Variants in SLC10A6 observed in about 807,000 individuals in gnomAD.
SLC10A6 encodes the protein sodium-dependent organic anion transporter.
A neutral mutation model predicts 30.0 loss-of-function variants in SLC10A6; 27 were observed. The ratio of observed to expected loss-of-function variants is 0.90; its 90% CI spans 0.66 to 1.24. The LOEUF is 1.24. SLC10A6 is among the 50% of genes most tolerant of loss of function. The probability of loss-of-function intolerance (pLI) is 0.00; values close to 1 mark genes in which losing one functional copy is unlikely to be tolerated. For synonymous variants in SLC10A6, 166 were observed against 173.8 expected (o/e 0.95, Z 0.36); for missense variants, 439 against 457.0 (o/e 0.96, Z 0.36).
At chr4:86,836,510 C>A (rs1056537014) in intron 1 of SLC10A6, among the ~76,000 whole-genome samples, 1 of 152,062 alleles carries the variant, frequency 6.6e-6, no homozygotes, top group Non-Finnish European at 1.5e-5. Flanking sequence ...CCTTTTTGCC[C>A]TTCTCTCTTC....
Position 86,835,676 on chromosome 4 carries a change from G to A in SLC10A6, c.378-2252C>T, listed in dbSNP as rs552325979. Among the ~76,000 whole-genome samples the A allele has an allele frequency of 8.7e-4, 127 of 145,758 alleles. 1 individual carries two copies. The highest frequency in any genetic ancestry group is 1.5e-3 in the Non-Finnish European group (97 of 65,926). ...AGTGAAACTCCATCTCAAAAAAAAA[G>A]AAAGACAGAAAGACGAAAAGACACA... On this transcript the variant is annotated intron_variant, in intron 1 of 5. Coordinates refer to ENST00000273905, the MANE Select transcript of SLC10A6 (RefSeq NM_197965.3).
chr4:86,825,629 C>G, intron 4 of SLC10A6, 52 bp from the exon 5 acceptor site: 1 of 1,503,890 alleles, frequency 6.6e-7, no homozygotes, highest in Non-Finnish European at 9.0e-7. Context: ...AAGAACTATT[C>G]TAATATTTTC....
At chr4:86,846,178 T>C (rs1440824350) in intron 1 of SLC10A6, among the ~76,000 whole-genome samples, 1 of 152,212 alleles carries the variant, frequency 6.6e-6, no homozygotes, top group Non-Finnish European at 1.5e-5. Flanking sequence ...TTAGATATTG[T>C]TTCACACCGT....
chr4:86,831,018 G>A (rs1490593611), intron 3 of SLC10A6, among the ~76,000 whole-genome samples: 1 of 152,052 alleles, frequency 6.6e-6, no homozygotes, highest in Non-Finnish European at 1.5e-5. Flanking sequence ...TGTGATCCAG[G>A]CTCCAGTGCA....
Position 86,848,882 on chromosome 4 carries a change from G to A in SLC10A6, c.234C>T (p.Leu78=), listed in dbSNP as rs1352305311. 1.2e-6 allele frequency: 2 copies of A among 1,614,236 alleles called. No individual in the cohort carries two copies. The highest frequency in any genetic ancestry group is 1.7e-6 in the Non-Finnish European group (2 of 1,180,046). The change falls in exon 1 of 6, where the codon CTC becomes CTT. Residue 78 remains leucine (L), a synonymous_variant. Coordinates refer to ENST00000273905, the MANE Select transcript of SLC10A6 (RefSeq NM_197965.3). ...IAVGLLCQFG[L]MPFTAYLLAI... ...CCAGGAGATAAGCTGTAAAAGGCAT[G>A]AGCCCAAACTGGCAGAGCAGTCCCA...
intron 1 of SLC10A6, among the ~76,000 whole-genome samples, chr4:86,841,100 C>T (rs549623771): frequency 2.8e-4 from 43 of 152,264 alleles, no homozygotes; most frequent in African/African-American, 9.4e-4. Context: ...AATGGAATTC[C>T]ATATTATATC....
chr4:86,833,697 T>C (rs1746128304), intron 1 of SLC10A6, among the ~76,000 whole-genome samples: 1 of 152,214 alleles, frequency 6.6e-6, no homozygotes, highest in Non-Finnish European at 1.5e-5. Flanking sequence ...ATTATTTTCT[T>C]ATCTAGTTCT....
At chr4:86,826,584 A>AT (rs1746005132) in intron 4 of SLC10A6, among the ~76,000 whole-genome samples, 1 of 152,014 alleles carries the variant, frequency 6.6e-6, no homozygotes. Context: ...AAATAAATAA[A>AT]AACACAAAAA....
At chr4:86,832,977 T>C (rs1368427854) in intron 2 of SLC10A6, among the ~76,000 whole-genome samples, 1 of 152,158 alleles carries the variant, frequency 6.6e-6, no homozygotes, top group African/African-American at 2.4e-5. Flanking sequence ...GATTCCTGCT[T>C]TTTCAAAGTA....
Position 86,823,629 on chromosome 4 carries a change from C to T in SLC10A6, c.*59G>A. 1.4e-6 allele frequency: 2 copies of T among 1,379,566 alleles called. No homozygotes were observed. Among genetic ancestry groups the T allele is most frequent in the Non-Finnish European group, 2.0e-6 (2 of 1,013,092 alleles). The allele number at this position is 1,379,566 out of a possible 1,614,324, so 85.5% of individuals were successfully genotyped here. On this transcript the variant is annotated 3_prime_UTR_variant, in exon 6 of 6. Coordinates refer to ENST00000273905, the MANE Select transcript of SLC10A6 (RefSeq NM_197965.3). ...ACCAACAAGATTCATGTGTCAGCTG[C>T]ACACTGTCTTTACTGGCCACTGAAA...
chr4:86,837,294 G>GAAAGAAAGAAAGAAAGAAAAAGA (rs1560460401), intron 1 of SLC10A6, among the ~76,000 whole-genome samples: 1 of 68,760 alleles, frequency 1.5e-5, no homozygotes, highest in East Asian at 3.7e-4. Flanking sequence ...AAAAAGAAAG[G>GAAAGAAAGAAAGAAAGAAAAAGA]AAGGAAGGAA....
chr4:86,829,063 T>G (rs1190567460), intron 3 of SLC10A6, among the ~76,000 whole-genome samples: 2 of 152,158 alleles, frequency 1.3e-5, no homozygotes, highest in Admixed American at 1.3e-4. Context: ...TCATTTTTAC[T>G]GTTCAAATAC....
Position 86,833,350 on chromosome 4 carries a change from G to C in SLC10A6, c.452C>G (p.Ser151Cys). ...GGTGAGATTCTGCTGAAGACTCCAG[G>C]ACCAGGTGTAGAGATAAATGCAGAG... ...MPLCIYLYTWSWSLQQNLTIP... is the reference protein window; with the variant it reads ...MPLCIYLYTWCWSLQQNLTIP... Residue 151 changes from serine to cysteine, a missense_variant, in exon 2 of 6, where the codon TCC (serine) becomes TGC (cysteine). Physicochemically the swap from Ser to Cys is moderately radical, Grantham distance 112. Coordinates refer to ENST00000273905, the MANE Select transcript of SLC10A6 (RefSeq NM_197965.3). 6.2e-7 allele frequency: 1 copy of C among 1,614,082 alleles called. No individual in the cohort carries two copies. Among genetic ancestry groups the C allele is most frequent in the Non-Finnish European group, 8.5e-7 (1 of 1,179,978 alleles).
chr4:86,847,306 C>T (rs996404746), intron 1 of SLC10A6, among the ~76,000 whole-genome samples: 3 of 152,156 alleles, frequency 2.0e-5, no homozygotes, highest in African/African-American at 7.2e-5. Context: ...GCCTATGGGG[C>T]ACTTAATAAA....
chr4:86,833,531 C>G, intron 1 of SLC10A6, 107 bp from the exon 2 acceptor site: 1 of 755,710 alleles, frequency 1.3e-6, no homozygotes, highest in Admixed American at 2.1e-5. Context: ...ATTACATGGA[C>G]TAAGCTCCTT....
rs770266438 is a variant in SLC10A6, at chr4:86,831,834, A to G, written c.543T>C (p.Tyr181=). 5 of 1,613,578 alleles carry G rather than the reference A, an allele frequency of 3.1e-6. No individual in the cohort carries two copies. In the African/African-American group the frequency reaches 6.7e-5, roughly 22 times the overall value. ...CLTIPVAFGV[Y]VNYRWPKQSK... ...ATTGTTTTGGCCATCTGTAATTCACATAGACACCAAAGGCCACAGGAATGG... is the reference window on the plus strand; with the variant it reads ...ATTGTTTTGGCCATCTGTAATTCACGTAGACACCAAAGGCCACAGGAATGG... The change falls in exon 3 of 6, where the codon TAT becomes TAC. Residue 181 remains tyrosine, a synonymous_variant. Transcript: ENST00000273905.
At chr4:86,837,160 T>C (rs1365737103) in intron 1 of SLC10A6, among the ~76,000 whole-genome samples, 1 of 148,638 alleles carries the variant, frequency 6.7e-6, no homozygotes, top group African/African-American at 2.5e-5. Flanking sequence ...AAGCCTCCTT[T>C]GCTCTAAACC....
intron 1 of SLC10A6, among the ~76,000 whole-genome samples, chr4:86,848,493 T>C (rs1431876857): frequency 6.6e-6 from 1 of 152,186 alleles, no homozygotes; most frequent in Non-Finnish European, 1.5e-5. Flanking sequence ...CAGACCTGCC[T>C]CCACTGCTCA....
chr4:86,836,624 A>C (rs539157212), intron 1 of SLC10A6, among the ~76,000 whole-genome samples: 37 of 152,200 alleles, frequency 2.4e-4, no homozygotes, highest in Non-Finnish European at 4.7e-4. Flanking sequence ...TCTCTTCTCT[A>C]TACATTAACC....
Sources: allele counts gnomAD v4.1 joint callset (sites outside exome capture counted in the v4.1 genomes callset), GRCh38; gene constraint gnomAD v4.1.1; transcripts MANE v1.5; gene names NCBI Gene and HGNC (gene_info 2026-07-23, HGNC 2026-07-21).